SGCZ: variants seen among roughly 807,000 people sequenced by gnomAD.
The protein encoded by SGCZ is zeta-sarcoglycan.
SGCZ carries 40 observed loss-of-function variants against 41.3 expected under a neutral mutation model. The observed-to-expected ratio is 0.97, with a 90% CI of 0.75 to 1.26. The LOEUF (loss-of-function observed/expected upper bound fraction) is 1.26. Ranked by LOEUF, SGCZ falls within the 50% of genes most tolerant of loss-of-function variation. The pLI is 0.00. For missense variants in SGCZ, 552 were observed against 369.8 expected, an observed-to-expected ratio of 1.49 and a Z score of -4.04; for synonymous variants, 206 against 137.5, an observed-to-expected ratio of 1.50 and a Z score of -3.49.
chr8:14,155,218 A>G (rs1180417595), intron 5 of SGCZ, among the ~76,000 whole-genome samples: 1 of 152,124 alleles, frequency 6.6e-6, no homozygotes, highest in Non-Finnish European at 1.5e-5. Context: ...TATCTTCCAA[A>G]ATGTTTCTCA....
intron 5 of SGCZ, among the ~76,000 whole-genome samples, chr8:14,142,989 C>G (rs1186192422): frequency 1.5e-5 from 2 of 133,010 alleles, no homozygotes; most frequent in African/African-American, 5.7e-5. Context: ...AAACGTTTTT[C>G]TTTATAAATT....
chr8:14,148,322 A>G (rs1306265962), intron 5 of SGCZ, among the ~76,000 whole-genome samples: 2 of 152,040 alleles, frequency 1.3e-5, no homozygotes, highest in Non-Finnish European at 2.9e-5. Context: ...AGAAAAAAAG[A>G]TACAAATAAA....
intron 5 of SGCZ, among the ~76,000 whole-genome samples, chr8:14,142,946 T>C (rs1254373033): frequency 6.6e-6 from 1 of 151,876 alleles, no homozygotes; most frequent in Non-Finnish European, 1.5e-5. Context: ...GCCAGTATGC[T>C]TCCTGTATAG....
intron 2 of SGCZ, among the ~76,000 whole-genome samples, chr8:14,367,513 G>C (rs1415532383): frequency 6.6e-6 from 1 of 152,046 alleles, no homozygotes; most frequent in Non-Finnish European, 1.5e-5. Context: ...AACTAGGCAT[G>C]TTATAAAGAA....
intron 5 of SGCZ, among the ~76,000 whole-genome samples, chr8:14,164,101 G>A (rs373196285): frequency 6.6e-6 from 1 of 152,038 alleles, no homozygotes; most frequent in South Asian, 2.1e-4. Flanking sequence ...AATAATATGT[G>A]TATAGCATTA....
At chr8:14,284,078 G>T (rs1021143046) in intron 3 of SGCZ, among the ~76,000 whole-genome samples, 1 of 152,144 alleles carries the variant, frequency 6.6e-6, no homozygotes, top group East Asian at 1.9e-4. Context: ...CTTATTTCTA[G>T]TGATATTATT....
chr8:14,896,159 T>C (rs1805191295), intron 1 of SGCZ, among the ~76,000 whole-genome samples: 1 of 152,202 alleles, frequency 6.6e-6, no homozygotes, highest in Non-Finnish European at 1.5e-5. Flanking sequence ...TACATTTTTG[T>C]CTTATTTTGG....
chr8:14,138,498 A>C (rs1309107333), intron 5 of SGCZ, among the ~76,000 whole-genome samples: 3 of 133,488 alleles, frequency 2.2e-5, no homozygotes, highest in Admixed American at 8.1e-5. Context: ...AAGATCTACC[A>C]AGCAAAGGGA....
intron 1 of SGCZ, among the ~76,000 whole-genome samples, chr8:14,556,032 G>C (rs1044158303): frequency 2.0e-5 from 3 of 151,756 alleles, no homozygotes; most frequent in Admixed American, 6.6e-5. Flanking sequence ...ATACATTCAG[G>C]TTCTAGAATT....
At chr8:14,351,817 T>C (rs185802689) in intron 2 of SGCZ, among the ~76,000 whole-genome samples, 298 of 152,252 alleles carry the variant, frequency 2.0e-3, no homozygotes, top group Admixed American at 3.4e-3. Flanking sequence ...TTTCAGCTTT[T>C]GCTTTATCTC....
chr8:14,417,243 A>T (rs966038571), intron 2 of SGCZ, among the ~76,000 whole-genome samples: 1 of 151,934 alleles, frequency 6.6e-6, no homozygotes, highest in African/African-American at 2.4e-5. Flanking sequence ...GTAGTGCAAT[A>T]GGCAAGTATA....
At chr8:14,450,651 T>A (rs181973031) in intron 2 of SGCZ, among the ~76,000 whole-genome samples, 3 of 152,286 alleles carry the variant, frequency 2.0e-5, no homozygotes, top group Admixed American at 1.3e-4. Flanking sequence ...TGTGTGCCAG[T>A]CAGTAAAACC....
chr8:14,832,391 A>G (rs1585302003), intron 1 of SGCZ, among the ~76,000 whole-genome samples: 1 of 152,312 alleles, frequency 6.6e-6, no homozygotes, highest in South Asian at 2.1e-4. Context: ...ACAAAATTCC[A>G]TAATGCCCAG....
At chr8:14,535,405 C>T (rs1277779804) in intron 2 of SGCZ, among the ~76,000 whole-genome samples, 3 of 151,594 alleles carry the variant, frequency 2.0e-5, no homozygotes, top group Non-Finnish European at 4.4e-5. Context: ...TGCAATGGGC[C>T]ATAATAAGAA....
intron 1 of SGCZ, among the ~76,000 whole-genome samples, chr8:14,719,705 GT>G (rs530182796): frequency 4.6e-5 from 7 of 151,832 alleles, no homozygotes; most frequent in South Asian, 4.2e-4. Context: ...GGGGTTGTTT[GT>G]TTTTTTCTTG....
intron 1 of SGCZ, among the ~76,000 whole-genome samples, chr8:14,992,520 C>T (rs1462059707): frequency 2.0e-5 from 3 of 149,610 alleles, no homozygotes; most frequent in Admixed American, 6.6e-5. Flanking sequence ...TACCTCTCAC[C>T]CTCAACTATT....
intron 1 of SGCZ, among the ~76,000 whole-genome samples, chr8:15,000,337 C>A (rs546890050): frequency 6.6e-6 from 1 of 152,190 alleles, no homozygotes; most frequent in East Asian, 1.9e-4. Flanking sequence ...TGGGATAAAG[C>A]CTTCATGAAT....
chr8:14,303,701 T>C (rs1006400727), intron 3 of SGCZ, among the ~76,000 whole-genome samples: 3 of 152,110 alleles, frequency 2.0e-5, no homozygotes, highest in Admixed American at 1.3e-4. Flanking sequence ...TTAGCCAATT[T>C]CTAAATAGCA....
intron 2 of SGCZ, among the ~76,000 whole-genome samples, chr8:14,548,591 C>A (rs1252183541): frequency 1.3e-5 from 2 of 152,068 alleles, no homozygotes; most frequent in Admixed American, 6.6e-5. Context: ...AAAACATACA[C>A]CCCTGATTTT....
Sources: gnomAD v4.1 joint callset for allele counts (sites outside exome capture counted in the v4.1 genomes callset) on GRCh38, gnomAD v4.1.1 for gene constraint, MANE v1.5 for transcripts, NCBI Gene and HGNC (gene_info 2026-07-23, HGNC 2026-07-21) for gene names.